ZFYVE9: variants seen among roughly 807,000 people sequenced by gnomAD.
ZFYVE9 encodes the protein zinc finger FYVE domain-containing protein 9.
ZFYVE9 carries 43 observed loss-of-function variants against 126.7 expected under a neutral mutation model. The ratio of observed to expected loss-of-function variants is 0.34; its 90% CI spans 0.27 to 0.44. ZFYVE9 has a LOEUF of 0.44. Among genes scored for constraint, ZFYVE9 ranks in the 20% least tolerant of loss-of-function variants. The pLI is 1.00. For missense variants in ZFYVE9, 1,476 were observed against 1,697.0 expected, an observed-to-expected ratio of 0.87 and a Z score of 2.29; for synonymous variants, 521 against 597.4, an observed-to-expected ratio of 0.87 and a Z score of 1.87.
intron 13 of ZFYVE9, among the ~76,000 whole-genome samples, chr1:52,317,221 T>C (rs1328131146): frequency 6.6e-6 from 1 of 152,088 alleles, no homozygotes; most frequent in South Asian, 2.1e-4. Context: ...CATTAAACCC[T>C]TGTATTAGAA....
chr1:52,187,608 T>A (rs1268643273), intron 1 of ZFYVE9, among the ~76,000 whole-genome samples: 1 of 152,158 alleles, frequency 6.6e-6, no homozygotes, highest in African/African-American at 2.4e-5. Context: ...AACAAATTTA[T>A]GAGAGAAAAA....
chr1:52,303,972 T>C lies in ZFYVE9; in HGVS notation c.3438+47T>C, dbSNP rs748106265. ...TATTTTTCATAGTTGAAAACATGAG[T>C]GAAGGTGAAAAATGCATGATTATAT... On this transcript the variant is annotated intron_variant, in intron 13 of 18. Coordinates refer to ENST00000287727, the MANE Select transcript of ZFYVE9 (RefSeq NM_004799.4). 1.6e-5 allele frequency: 21 copies of C among 1,351,128 alleles called. No homozygotes were observed. In the South Asian group the frequency reaches 2.5e-4, roughly 16 times the overall value. The allele number at this position is 1,351,128 out of a possible 1,614,324, so 83.7% of individuals were successfully genotyped here.
chr1:52,322,071 C>T (rs1437814818), intron 13 of ZFYVE9, among the ~76,000 whole-genome samples: 1 of 152,172 alleles, frequency 6.6e-6, no homozygotes, highest in African/African-American at 2.4e-5. Context: ...TTAGCAAGTT[C>T]ACCTTTGACA....
intron 1 of ZFYVE9, among the ~76,000 whole-genome samples, chr1:52,190,957 T>C (rs190642929): frequency 6.5e-4 from 93 of 143,682 alleles, no homozygotes; most frequent in African/African-American, 2.5e-3. Context: ...CTCCCTCCCT[T>C]CCTTCCTTCC....
chr1:52,270,365 G>A (rs550948727), intron 7 of ZFYVE9, among the ~76,000 whole-genome samples: 23 of 152,122 alleles, frequency 1.5e-4, no homozygotes, highest in African/African-American at 4.6e-4. Context: ...CCGGGTTCAC[G>A]CCATTCTCCT....
At chr1:52,198,186 A>G (rs951777294) in intron 1 of ZFYVE9, among the ~76,000 whole-genome samples, 1 of 122,966 alleles carries the variant, frequency 8.1e-6, no homozygotes. Context: ...CAGTGATGCT[A>G]TCTCGGCTCA....
chr1:52,310,969 G>T (rs1458169283), intron 13 of ZFYVE9, among the ~76,000 whole-genome samples: 1 of 152,134 alleles, frequency 6.6e-6, no homozygotes, highest in Admixed American at 6.6e-5. Flanking sequence ...GGGATCAAGG[G>T]ATTCCCCCAC....
In ZFYVE9 at chr1:52,237,793, T is replaced by C; in HGVS notation, c.376T>C (p.Cys126Arg). ...GAGAAACTATAGTTGGGATGATCAA[T>C]GCAGTGCTGTTGAAGTGGGAGAGAA... is the stretch of plus-strand genomic sequence containing the variant. Reference protein sequence around the residue: ...IKRNYSWDDQCSAVEVGEKKC... With the variant: ...IKRNYSWDDQRSAVEVGEKKC... The change falls in exon 4 of 19, where the codon TGC becomes CGC. Residue 126 changes from cysteine (C) to arginine (R), a missense_variant. Transcript: ENST00000287727. 1 of 1,614,148 alleles carries C rather than the reference T, an allele frequency of 6.2e-7. No homozygotes were observed. Among genetic ancestry groups the C allele is most frequent in the Non-Finnish European group, 8.5e-7 (1 of 1,179,998 alleles).
chr1:52,160,304 A>T, intron 1 of ZFYVE9: 1 of 1,046,226 alleles, frequency 9.6e-7, no homozygotes, highest in Non-Finnish European at 1.5e-6. Context: ...AGAATGCATC[A>T]GTTCAAAGGC....
At chr1:52,161,731 A>G (rs977514438) in intron 1 of ZFYVE9, among the ~76,000 whole-genome samples, 1 of 152,178 alleles carries the variant, frequency 6.6e-6, no homozygotes, top group Non-Finnish European at 1.5e-5. Flanking sequence ...TATAGCTTCA[A>G]ACTTTCTGCA....
At chr1:52,324,236 A>G (rs2147862204) in intron 13 of ZFYVE9, among the ~76,000 whole-genome samples, 1 of 143,000 alleles carries the variant, frequency 7.0e-6, no homozygotes, top group South Asian at 2.3e-4. Context: ...GCAACAGAAC[A>G]AGACCCTGTC....
chr1:52,253,668 G>A, intron 4 of ZFYVE9: 1 of 1,590,576 alleles, frequency 6.3e-7, no homozygotes, highest in Admixed American at 1.7e-5. Context: ...CTGAGCAGTT[G>A]GAAAAGACTG....
At chr1:52,318,785 T>C (rs1329885249) in intron 13 of ZFYVE9, among the ~76,000 whole-genome samples, 1 of 151,788 alleles carries the variant, frequency 6.6e-6, no homozygotes, top group East Asian at 1.9e-4. Context: ...CAATGAACAA[T>C]TGAATATAGA....
chr1:52,238,010 G>A lies in ZFYVE9; in HGVS notation c.593G>A (p.Ser198Asn), dbSNP rs1040303269. Residue 198 changes from serine (S) to asparagine (N), a missense_variant, in exon 4 of 19, where the codon AGT (serine) becomes AAT (asparagine). Physicochemically the swap from Ser to Asn is conservative, Grantham distance 46 (BLOSUM62 1). Coordinates refer to ENST00000287727, the MANE Select transcript of ZFYVE9 (RefSeq NM_004799.4). The stretch of plus-strand genomic sequence containing the variant: ...AGACAAACTGATCAATTTAGTTTTA[G>A]TATAAATGAGTCCACTGAAAAAGAT... The part of the protein sequence containing the change: ...ENRQTDQFSF[S>N]INESTEKDMN... 1 of 1,613,892 alleles carries A rather than the reference G, an allele frequency of 6.2e-7. No individual in the cohort carries two copies. The highest frequency in any genetic ancestry group is 8.5e-7 in the Non-Finnish European group (1 of 1,179,918).
At chr1:52,313,367 C>T (rs1454065219) in intron 13 of ZFYVE9, among the ~76,000 whole-genome samples, 6 of 152,112 alleles carry the variant, frequency 3.9e-5, no homozygotes, top group East Asian at 3.9e-4. Context: ...GGCCATAGAG[C>T]GGGTAGGGGA....
intron 15 of ZFYVE9, 25 bp downstream of exon 15, chr1:52,334,793 CAT>C: frequency 1.9e-6 from 3 of 1,597,898 alleles, no homozygotes; most frequent in Non-Finnish European, 2.6e-6. Flanking sequence ...GTTCAGTCCT[CAT>C]AATAAGGACT....
chr1:52,158,805 ATT>A (rs112587594), intron 1 of ZFYVE9, among the ~76,000 whole-genome samples: 16 of 140,570 alleles, frequency 1.1e-4, no homozygotes, highest in Non-Finnish European at 1.1e-4. Flanking sequence ...TTGTTCTTGT[ATT>A]TTTTTTTTTT....
At chr1:52,210,231 A>G (rs1557459012) in intron 1 of ZFYVE9, among the ~76,000 whole-genome samples, 1 of 152,348 alleles carries the variant, frequency 6.6e-6, no homozygotes, top group Admixed American at 6.5e-5. Flanking sequence ...GTGCCAATAT[A>G]TAAGTAGTAA....
intron 10 of ZFYVE9, among the ~76,000 whole-genome samples, chr1:52,286,728 C>G (rs1645864664): frequency 6.6e-6 from 1 of 152,210 alleles, no homozygotes; most frequent in Non-Finnish European, 1.5e-5. Flanking sequence ...GTTTCCCTAT[C>G]TTACTCAAAA....
Sources: allele counts gnomAD v4.1 joint callset (sites outside exome capture counted in the v4.1 genomes callset), GRCh38; gene constraint gnomAD v4.1.1; transcripts MANE v1.5; gene names NCBI Gene and HGNC (gene_info 2026-07-23, HGNC 2026-07-21).